The following ULK4 variants were observed in gnomAD, a reference collection of about 807,000 sequenced individuals.
ULK4 encodes inactive serine/threonine-protein kinase ULK4.
A neutral mutation model predicts 160.6 loss-of-function variants in ULK4; 133 were observed. The ratio of observed to expected loss-of-function variants is 0.83; its 90% CI spans 0.72 to 0.96. The LOEUF is 0.96. Ranked by LOEUF, ULK4 falls within the 40% of genes least tolerant of loss-of-function variation. The pLI, the probability that ULK4 is intolerant of heterozygous loss-of-function variation, is 0.00. For synonymous variants in ULK4, 534 were observed against 539.8 expected (o/e 0.99, Z 0.15); for missense variants, 1,580 against 1,499.5 (o/e 1.05, Z -0.89).
chr3:41,775,335 TTAA>T (rs2039567797), intron 21 of ULK4, among the ~76,000 whole-genome samples: 1 of 150,562 alleles, frequency 6.6e-6, no homozygotes, highest in Admixed American at 6.6e-5. Context: ...ATTTACAGTA[TTAA>T]TAATATCCAT....
At chr3:41,918,156 A>G (rs756206021) in intron 7 of ULK4, among the ~76,000 whole-genome samples, 2 of 152,364 alleles carry the variant, frequency 1.3e-5, no homozygotes, top group Non-Finnish European at 2.9e-5. Context: ...TAAATGGTAC[A>G]TACAAAAAGC....
chr3:41,297,455 G>T (rs140381115), intron 35 of ULK4, among the ~76,000 whole-genome samples: 7 of 152,352 alleles, frequency 4.6e-5, no homozygotes, highest in African/African-American at 1.7e-4. Context: ...TGATGCTGAT[G>T]CTGAGCCCAC....
At chr3:41,382,195 T>C (rs72866632) in intron 35 of ULK4, among the ~76,000 whole-genome samples, 3,398 of 152,304 alleles carry the variant, frequency 0.022, 142 homozygotes, top group African/African-American at 0.073. Flanking sequence ...ACTTAATAAA[T>C]GTGGCTATCA....
Position 41,729,433 on chromosome 3 carries a change from T to C in ULK4, c.2322-11572A>G, listed in dbSNP as rs78180738. Among the ~76,000 whole-genome samples, 1,309 of 152,330 alleles carry C rather than the reference T, an allele frequency of 8.6e-3. 10 individuals carry two copies. The highest frequency in any genetic ancestry group is 0.015 in the Non-Finnish European group (1,003 of 68,034). On this transcript the variant is annotated intron_variant, in intron 22 of 36. Coordinates refer to ENST00000301831, the MANE Select transcript of ULK4 (RefSeq NM_017886.4). Reference sequence around the variant, plus strand: ...GTCCTATTTTCCCCCTGACCCAAGCTGCTACTGCATAATGCCATCTTGACA... The same window carrying C: ...GTCCTATTTTCCCCCTGACCCAAGCCGCTACTGCATAATGCCATCTTGACA...
chr3:41,792,090 T>A (rs191537619), intron 20 of ULK4, among the ~76,000 whole-genome samples: 242 of 152,330 alleles, frequency 1.6e-3, no homozygotes, highest in Non-Finnish European at 1.5e-3. Context: ...TTAGGAAATA[T>A]GAAACTAGGG....
Position 41,457,168 on chromosome 3 carries a change from G to A in ULK4, c.3394-1573C>T, listed in dbSNP as rs935129931. Among the ~76,000 whole-genome samples, 8 of 152,086 alleles carry A rather than the reference G, an allele frequency of 5.3e-5. No homozygotes were observed. In the South Asian group the frequency reaches 8.3e-4, roughly 16 times the overall value. On this transcript the variant is annotated intron_variant, in intron 33 of 36. Transcript: ENST00000301831. ...TTCCACATTACCACATTATCCCTTA[G>A]AGCAGATTGATTTCTTCCTGGGAGA...
intron 32 of ULK4, among the ~76,000 whole-genome samples, chr3:41,542,501 C>T (rs2086730395): frequency 6.6e-6 from 1 of 151,908 alleles, no homozygotes; most frequent in Admixed American, 6.6e-5. Context: ...TTTGTCTTTG[C>T]CAGGTTTTGG....
intron 12 of ULK4, among the ~76,000 whole-genome samples, chr3:41,903,737 G>A (rs1467411023): frequency 6.6e-6 from 1 of 151,990 alleles, no homozygotes; most frequent in Non-Finnish European, 1.5e-5. Flanking sequence ...AAAATAAAAT[G>A]TTCAGGAATA....
chr3:41,947,439 A>C (rs1051829984), intron 2 of ULK4, among the ~76,000 whole-genome samples: 67 of 152,132 alleles, frequency 4.4e-4, no homozygotes, highest in African/African-American at 1.6e-3. Flanking sequence ...AGAAGAGGAG[A>C]AAAAAGGCCA....
chr3:41,927,051 A>T (rs1260743331), intron 5 of ULK4, among the ~76,000 whole-genome samples: 1 of 152,208 alleles, frequency 6.6e-6, no homozygotes, highest in Non-Finnish European at 1.5e-5. Context: ...TAATTGTCAG[A>T]TTCACCAAGG....
At chr3:41,525,491 T>C (rs950338640) in intron 32 of ULK4, among the ~76,000 whole-genome samples, 1 of 152,130 alleles carries the variant, frequency 6.6e-6, no homozygotes, top group African/African-American at 2.4e-5. Context: ...AGGCAGGAAA[T>C]CAAAGGTCGG....
chr3:41,878,147 A>C (rs1014881832), intron 17 of ULK4, among the ~76,000 whole-genome samples: 4 of 151,898 alleles, frequency 2.6e-5, no homozygotes, highest in African/African-American at 9.7e-5. Context: ...CTTCTAACAA[A>C]GTAAACAAGA....
chr3:41,681,857 T>C, intron 27 of ULK4, 53 bp from the exon 28 acceptor site: 2 of 1,584,050 alleles, frequency 1.3e-6, no homozygotes, highest in Non-Finnish European at 1.7e-6. Flanking sequence ...AAAACTGATA[T>C]CAACCACTAT....
At chr3:41,287,494 T>G (rs898410803) in intron 35 of ULK4, among the ~76,000 whole-genome samples, 3 of 152,134 alleles carry the variant, frequency 2.0e-5, no homozygotes, top group African/African-American at 7.2e-5. Context: ...TGGTCCAAAA[T>G]TCAGAAACAA....
intron 29 of ULK4, among the ~76,000 whole-genome samples, chr3:41,668,741 C>A (rs2125771083): frequency 6.6e-6 from 1 of 152,128 alleles, no homozygotes; most frequent in East Asian, 1.9e-4. Flanking sequence ...GACCATATCT[C>A]AAGAAAATGT....
chr3:41,886,381 A>C (rs1024995493), intron 16 of ULK4, among the ~76,000 whole-genome samples: 10 of 152,180 alleles, frequency 6.6e-5, no homozygotes, highest in African/African-American at 2.2e-4. Context: ...TGTTGAATAA[A>C]TATATCAACA....
chr3:41,611,148 C>G (rs1042174956), intron 31 of ULK4, among the ~76,000 whole-genome samples: 3 of 152,200 alleles, frequency 2.0e-5, no homozygotes, highest in African/African-American at 7.2e-5. Context: ...ATTAAACAAG[C>G]GCAGACTGCC....
At chr3:41,604,943 C>G (rs753587554) in intron 31 of ULK4, among the ~76,000 whole-genome samples, 2 of 152,108 alleles carry the variant, frequency 1.3e-5, no homozygotes, top group African/African-American at 2.4e-5. Flanking sequence ...AATGTGCTCA[C>G]TTGCTTCTCA....
intron 28 of ULK4, 40 bp downstream of exon 28, chr3:41,681,711 ATG>A (rs1416202303): frequency 6.2e-7 from 1 of 1,613,874 alleles, no homozygotes; most frequent in Non-Finnish European, 8.5e-7. Flanking sequence ...TGAAAATAGA[ATG>A]TGTAACTGAT....
Sources: gnomAD v4.1 joint callset for allele counts (sites outside exome capture counted in the v4.1 genomes callset) on GRCh38, gnomAD v4.1.1 for gene constraint, MANE v1.5 for transcripts, NCBI Gene and HGNC (gene_info 2026-07-23, HGNC 2026-07-21) for gene names.